Variants in GTF2A1L observed in about 807,000 individuals in gnomAD.
GTF2A1L encodes the protein general transcription factor IIA subunit 1 like.
Under a neutral mutation model 49.7 loss-of-function variants are expected in GTF2A1L, and 48 were observed. The ratio of observed to expected loss-of-function variants is 0.97; its 90% CI spans 0.77 to 1.23. The LOEUF (loss-of-function observed/expected upper bound fraction) is 1.23, where lower values mean the gene tolerates loss of function less well. GTF2A1L is among the 50% of genes most tolerant of loss of function. The probability of loss-of-function intolerance (pLI) is 0.00; values close to 1 mark genes in which losing one functional copy is unlikely to be tolerated. For synonymous variants in GTF2A1L, 246 were observed against 193.5 expected (o/e 1.27, Z -2.25); for missense variants, 736 against 564.8 (o/e 1.30, Z -3.07).
At chr2:48,647,064 C>A in intron 6 of GTF2A1L, 22 bp downstream of exon 6, 1 of 1,551,938 alleles carries the variant, frequency 6.4e-7, no homozygotes, top group South Asian at 1.3e-5. Flanking sequence ...TGTCCAACTT[C>A]TTGGTATCAG....
Position 48,647,039 on chromosome 2 carries a change from G to A in GTF2A1L, c.975G>A (p.Glu325=), listed in dbSNP as rs1275157567. Residue 325 remains glutamate, a synonymous_variant, in exon 6 of 9, where the codon GAG becomes GAA. Coordinates refer to ENST00000403751, the MANE Select transcript of GTF2A1L (RefSeq NM_006872.5). ...AACCCAGCAACATACCTGTATCAGA[G>A]AAGGTATAGTTCTGTGTCCAACTTC... ...IEEPSNIPVS[E]KDSNSQVDLS... 6.2e-7 allele frequency: 1 copy of A among 1,601,118 alleles called. No individual in the cohort carries two copies. Among genetic ancestry groups the A allele is most frequent in the African/African-American group, 1.3e-5 (1 of 74,662 alleles).
chr2:48,619,274 G>C (rs1675839962), intron 1 of GTF2A1L, among the ~76,000 whole-genome samples: 1 of 151,988 alleles, frequency 6.6e-6, no homozygotes, highest in Non-Finnish European at 1.5e-5. Flanking sequence ...TTTGAGACCA[G>C]CCTGGCCAAC....
intron 6 of GTF2A1L, among the ~76,000 whole-genome samples, chr2:48,653,305 G>A (rs1677975375): frequency 6.6e-6 from 1 of 151,420 alleles, no homozygotes. Context: ...TTAAAAGGTA[G>A]CTTTTAGATT....
intron 8 of GTF2A1L, among the ~76,000 whole-genome samples, chr2:48,671,943 A>G (rs933202293): frequency 3.9e-5 from 6 of 152,248 alleles, no homozygotes; most frequent in African/African-American, 1.4e-4. Flanking sequence ...AAGACATACA[A>G]TGAGATGGTA....
At chr2:48,640,842 G>A (rs1292750810) in intron 3 of GTF2A1L, among the ~76,000 whole-genome samples, 3 of 151,832 alleles carry the variant, frequency 2.0e-5, no homozygotes, top group African/African-American at 4.8e-5. Context: ...CACATTTAAA[G>A]GTATAACTTG....
At chr2:48,635,498 C>A (rs79121606) in intron 3 of GTF2A1L, among the ~76,000 whole-genome samples, 1 of 152,066 alleles carries the variant, frequency 6.6e-6, no homozygotes, top group Admixed American at 6.5e-5. Flanking sequence ...GCAGGGGCAC[C>A]AAGTGATGGC....
rs1033938752 is a variant in GTF2A1L, at chr2:48,626,335, C to G, written c.247+5045C>G. 1.3e-4 allele frequency among the ~76,000 whole-genome samples: 19 copies of G among 143,286 alleles called. 5 individuals are homozygous for G. The highest frequency in any genetic ancestry group is 2.8e-4 in the Non-Finnish European group (18 of 63,746). The allele number at this position is 143,286 out of a possible 152,430, so 94.0% of individuals were successfully genotyped here. A position where few individuals can be genotyped will look rare whatever the true frequency, so the allele number is the denominator to read the frequency against. ...CCAACTCTGCTTTTTTTTTCTTCCC[C>G]TCTGAATTGCTTTGGTATTTAATGT... On this transcript the variant is annotated intron_variant, in intron 3 of 8. Coordinates refer to ENST00000403751, the MANE Select transcript of GTF2A1L (RefSeq NM_006872.5).
intron 3 of GTF2A1L, among the ~76,000 whole-genome samples, chr2:48,636,948 G>A (rs1313825932): frequency 6.6e-6 from 1 of 152,146 alleles, no homozygotes; most frequent in Non-Finnish European, 1.5e-5. Flanking sequence ...ATGGAAGGAA[G>A]GGAAGGGAGG....
chr2:48,658,850 T>TC (rs35925437), intron 6 of GTF2A1L, among the ~76,000 whole-genome samples: 55,030 of 151,868 alleles, frequency 0.36, 10,578 homozygotes, highest in African/African-American at 0.48. Context: ...CTTTGTCTTT[T>TC]TTATTGTGCT....
Position 48,673,233 on chromosome 2 carries a change from A to G in GTF2A1L, c.1329+1553A>G, listed in dbSNP as rs1679266244. 2.6e-5 allele frequency among the ~76,000 whole-genome samples: 4 copies of G among 152,036 alleles called. No homozygotes were observed. The South Asian group carries it at 6.2e-4, about 24-fold the overall frequency. On this transcript the variant is annotated intron_variant, in intron 8 of 8. Coordinates refer to ENST00000403751, the MANE Select transcript of GTF2A1L (RefSeq NM_006872.5). ...ATTTGGGTTGTTTCCACTGTAGGGGAGAAAAAAGTAATACCTTTTCCTTAC... is the reference window on the plus strand; with the variant it reads ...ATTTGGGTTGTTTCCACTGTAGGGGGGAAAAAAGTAATACCTTTTCCTTAC...
At chr2:48,661,927 C>A (rs1052226520) in intron 6 of GTF2A1L, among the ~76,000 whole-genome samples, 1 of 152,136 alleles carries the variant, frequency 6.6e-6, no homozygotes, top group Non-Finnish European at 1.5e-5. Flanking sequence ...AGAACTAACT[C>A]TTGCCGTTTT....
At chr2:48,637,804 A>G (rs1023674284) in intron 3 of GTF2A1L, among the ~76,000 whole-genome samples, 1 of 152,122 alleles carries the variant, frequency 6.6e-6, no homozygotes, top group East Asian at 1.9e-4. Context: ...CCACAGAAAT[A>G]AAAATAACCA....
At chr2:48,629,197 T>C (rs1176879977) in intron 3 of GTF2A1L, among the ~76,000 whole-genome samples, 1 of 141,798 alleles carries the variant, frequency 7.1e-6, no homozygotes, top group Non-Finnish European at 1.6e-5. Flanking sequence ...GCCAAGATCA[T>C]GTCACCGCAC....
At chr2:48,647,116 C>G (rs1572732700) in intron 6 of GTF2A1L, 74 bp downstream of exon 6, 1 of 1,247,212 alleles carries the variant, frequency 8.0e-7, no homozygotes, top group Non-Finnish European at 1.1e-6. Context: ...TGAATATTTT[C>G]AAGCTGTAAT....
chr2:48,632,052 G>A (rs916093893), intron 3 of GTF2A1L, among the ~76,000 whole-genome samples: 1 of 151,966 alleles, frequency 6.6e-6, no homozygotes, highest in Non-Finnish European at 1.5e-5. Context: ...TATTCTCTTG[G>A]CAATGTCTTC....
intron 3 of GTF2A1L, among the ~76,000 whole-genome samples, chr2:48,637,734 A>G (rs889532726): frequency 6.6e-6 from 1 of 152,214 alleles, no homozygotes; most frequent in Admixed American, 6.5e-5. Flanking sequence ...TGGCTAGACT[A>G]CTAAAGAGAG....
chr2:48,677,978 G>GGTGTGT (rs5830998), intron 8 of GTF2A1L, among the ~76,000 whole-genome samples: 199 of 148,034 alleles, frequency 1.3e-3, no homozygotes, highest in African/African-American at 4.7e-3. Flanking sequence ...CTCTGAGATG[G>GGTGTGT]GTGTGTGTGT....
At chr2:48,638,159 G>T (rs555158634) in intron 3 of GTF2A1L, among the ~76,000 whole-genome samples, 1 of 152,256 alleles carries the variant, frequency 6.6e-6, no homozygotes, top group South Asian at 2.1e-4. Context: ...GTACGAAGAA[G>T]AGCTGCTACT....
At chr2:48,646,334 A>C (rs1428434127) in intron 5 of GTF2A1L, 119 bp from the exon 6 acceptor site, 2 of 867,550 alleles carry the variant, frequency 2.3e-6, no homozygotes, top group Non-Finnish European at 3.3e-6. Flanking sequence ...AACCACCATT[A>C]ACATATTGGT....
Sources: allele counts gnomAD v4.1 joint callset (sites outside exome capture counted in the v4.1 genomes callset), GRCh38; gene constraint gnomAD v4.1.1; transcripts MANE v1.5; gene names NCBI Gene and HGNC (gene_info 2026-07-23, HGNC 2026-07-21).